The following CNBD1 variants were observed in gnomAD, a reference collection of about 807,000 sequenced individuals.
The protein encoded by CNBD1 is cyclic nucleotide-binding domain-containing protein 1.
Under a neutral mutation model 54.4 loss-of-function variants are expected in CNBD1, and 71 were observed. The observed-to-expected ratio is 1.30, with a 90% CI of 1.08 to 1.59. The LOEUF (loss-of-function observed/expected upper bound fraction) is 1.59. Among genes scored for constraint, CNBD1 ranks in the 40% most tolerant of loss-of-function variants. The probability of loss-of-function intolerance (pLI) is 0.00; values close to 1 mark genes in which losing one functional copy is unlikely to be tolerated. For missense variants in CNBD1, 659 were observed against 518.0 expected (o/e 1.27, Z -2.64); for synonymous variants, 182 against 170.7 (o/e 1.07, Z -0.51).
chr8:87,031,402 C>A (rs555033035), intron 4 of CNBD1, among the ~76,000 whole-genome samples: 20 of 152,230 alleles, frequency 1.3e-4, no homozygotes, highest in Non-Finnish European at 2.5e-4. Context: ...GGAGTTGTTG[C>A]TACACTTCAG....
At position 87,286,615 on chromosome 8, in the gene CNBD1, T is replaced by G; in HGVS notation, c.986T>G (p.Leu329Ter). 6.6e-7 allele frequency: 1 copy of G among 1,523,712 alleles called. No homozygotes were observed. 94.4% of individuals were successfully genotyped at this position (1,523,712 alleles called of 1,614,324 possible). The change falls in exon 8 of 11, where the codon TTA becomes TGA. Residue 329 changes from leucine (L) to a stop codon, truncating the protein, a stop_gained. Coordinates refer to ENST00000518476, the MANE Select transcript of CNBD1 (RefSeq NM_173538.3). LOFTEE classifies it high-confidence loss of function. ...MCPYYEEWPT[L>*]SIYELIALLK... is the part of the protein sequence containing the mutation. ...CCTTATTATGAGGAATGGCCTACTT[T>G]ATCCATATATGAGCTAATTGCACTC...
chr8:86,908,737 A>G (rs969223343), intron 3 of CNBD1, among the ~76,000 whole-genome samples: 6 of 152,072 alleles, frequency 3.9e-5, no homozygotes, highest in Non-Finnish European at 8.8e-5. Flanking sequence ...TCCATATTCC[A>G]ATGGCCAGAT....
rs530469737 is a variant in CNBD1 at position 87,404,968 on chromosome 8, T to C, written c.214-23578T>C. ...ACTCACTTTTGGCAATTGCTTTGAT[T>C]ATAACTGGATTGAGTTATAACTGGG... is the stretch of plus-strand genomic sequence containing the variant. On this transcript the variant is annotated intron_variant, in intron 2 of 7. Transcript: ENST00000521593. Among the ~76,000 whole-genome samples the C allele has an allele frequency of 2.0e-5, 3 of 152,198 alleles. No homozygotes were observed. The South Asian group carries it at 6.2e-4, about 32-fold the overall frequency.
intron 10 of CNBD1, among the ~76,000 whole-genome samples, chr8:87,361,750 C>T (rs1479451888): frequency 2.0e-5 from 3 of 149,934 alleles, no homozygotes; most frequent in African/African-American, 7.4e-5. Context: ...AATATGTCAT[C>T]CCCCAAGAAA....
At chr8:87,361,818 T>TA (rs201044056) in intron 10 of CNBD1, among the ~76,000 whole-genome samples, 2,708 of 151,674 alleles carry the variant, frequency 0.018, 82 homozygotes, top group African/African-American at 0.059. Flanking sequence ...ATTTGAAATA[T>TA]AAAAAGCATT....
intron 4 of CNBD1, among the ~76,000 whole-genome samples, chr8:87,167,077 G>T (rs559532190): frequency 3.3e-5 from 5 of 151,832 alleles, no homozygotes; most frequent in Admixed American, 2.0e-4. Context: ...GAAATATTAG[G>T]ATAAAGTAAT....
At chr8:87,339,926 G>T (rs1810030659) in intron 8 of CNBD1, among the ~76,000 whole-genome samples, 1 of 152,068 alleles carries the variant, frequency 6.6e-6, no homozygotes, top group African/African-American at 2.4e-5. Flanking sequence ...TTATGCATCA[G>T]TGTTATAGTA....
At chr8:87,413,396 T>A (rs974467549) in intron 2 of CNBD1, among the ~76,000 whole-genome samples, 3 of 152,100 alleles carry the variant, frequency 2.0e-5, no homozygotes, top group Admixed American at 1.3e-4. Context: ...ACACCTAGTG[T>A]CATTTTGCTT....
At chr8:87,269,946 C>A (rs1176674260) in intron 6 of CNBD1, among the ~76,000 whole-genome samples, 1 of 151,800 alleles carries the variant, frequency 6.6e-6, no homozygotes, top group African/African-American at 2.4e-5. Context: ...CCTGGCAGAG[C>A]TATAATGAAT....
chr8:87,358,958 G>T (rs892383609), intron 10 of CNBD1, among the ~76,000 whole-genome samples: 1 of 152,112 alleles, frequency 6.6e-6, no homozygotes, highest in Non-Finnish European at 1.5e-5. Context: ...TTATCTGTTT[G>T]CATTGGTGTT....
chr8:86,934,859 A>T (rs1809517137), intron 3 of CNBD1, among the ~76,000 whole-genome samples: 1 of 152,100 alleles, frequency 6.6e-6, no homozygotes, highest in Admixed American at 6.6e-5. Context: ...TTTGTTTAGA[A>T]ATTTTGCATC....
chr8:87,294,428 A>T lies in CNBD1; in HGVS notation c.1042+7757A>T, dbSNP rs1436290219. Among the ~76,000 whole-genome samples the T allele has an allele frequency of 3.3e-5, 5 of 152,238 alleles. No homozygotes were observed. In the East Asian group the frequency reaches 5.8e-4, roughly 18 times the overall value. On this transcript the variant is annotated intron_variant, in intron 8 of 10. Coordinates refer to ENST00000518476, the MANE Select transcript of CNBD1 (RefSeq NM_173538.3). ...AACACACATCAGACACTGAGAACGG[A>T]TTCTCAAGCATGGGTTGAAAGGGAC...
intron 8 of CNBD1, among the ~76,000 whole-genome samples, chr8:87,309,953 C>T (rs1165280049): frequency 6.6e-6 from 1 of 152,102 alleles, no homozygotes. Flanking sequence ...AACTTTGCCA[C>T]CAGTCCCTGA....
intron 6 of CNBD1, among the ~76,000 whole-genome samples, chr8:87,276,600 A>G (rs1808484981): frequency 6.6e-6 from 1 of 152,032 alleles, no homozygotes; most frequent in South Asian, 2.1e-4. Context: ...AGTCTGCTTT[A>G]TACCATGGTG....
chr8:87,358,727 C>T (rs1475019369), intron 10 of CNBD1, among the ~76,000 whole-genome samples: 2 of 152,216 alleles, frequency 1.3e-5, no homozygotes, highest in South Asian at 4.1e-4. Context: ...GTCTGAAGGT[C>T]TGAAGGGGAA....
intron 9 of CNBD1, among the ~76,000 whole-genome samples, chr8:87,352,532 A>G (rs1810324976): frequency 1.3e-5 from 2 of 151,820 alleles, no homozygotes; most frequent in African/African-American, 4.8e-5. Flanking sequence ...AACTGGAAGT[A>G]GTCCACGTAT....
chr8:87,312,027 G>T (rs550393165), intron 8 of CNBD1, among the ~76,000 whole-genome samples: 1 of 151,918 alleles, frequency 6.6e-6, no homozygotes, highest in Non-Finnish European at 1.5e-5. Context: ...AGGATCAATT[G>T]TACCCCAAAC....
intron 3 of CNBD1, among the ~76,000 whole-genome samples, chr8:86,927,327 CTGCAGGGGG>C (rs1462899670): frequency 1.3e-5 from 2 of 152,080 alleles, no homozygotes; most frequent in African/African-American, 4.8e-5. Flanking sequence ...GGAGGCGCTG[CTGCAGGGGG>C]TCCAGGGGTG....
intron 8 of CNBD1, among the ~76,000 whole-genome samples, chr8:87,334,312 T>G (rs1809897617): frequency 1.3e-5 from 2 of 151,866 alleles, no homozygotes; most frequent in African/African-American, 4.8e-5. Flanking sequence ...TTTTTTAATT[T>G]TTTCAAAAAA....
Sources: gnomAD v4.1 joint callset for allele counts (sites outside exome capture counted in the v4.1 genomes callset) on GRCh38, gnomAD v4.1.1 for gene constraint, MANE v1.5 for transcripts, NCBI Gene and HGNC (gene_info 2026-07-23, HGNC 2026-07-21) for gene names.